The following PRKG1 variants were observed in gnomAD, a reference collection of about 807,000 sequenced individuals.
PRKG1 encodes the protein cGMP-dependent protein kinase 1.
In PRKG1, 35 loss-of-function variants were observed where a neutral mutation model predicts 88.1. The observed-to-expected ratio is 0.40, with a 90% CI of 0.30 to 0.53. The LOEUF is 0.53. PRKG1 is among the 20% of genes least tolerant of loss of function. The probability of loss-of-function intolerance (pLI) is 0.59; values close to 1 mark genes in which losing one functional copy is unlikely to be tolerated. For synonymous variants in PRKG1, 303 were observed against 292.5 expected (o/e 1.04, Z -0.37); for missense variants, 540 against 839.8 (o/e 0.64, Z 4.41).
Position 51,422,273 on chromosome 10 carries a change from A to ACT in PRKG1, c.479-45447_479-45446dup, listed in dbSNP as rs1838438102. ...GTTCTGGTTTGGTTAAGAGATCCAA[A>ACT]CTCTGTAGTTAGGAAAGGATGGCAC... On this transcript the variant is annotated intron_variant, in intron 2 of 17. Coordinates refer to ENST00000373980, the MANE Select transcript of PRKG1 (RefSeq NM_006258.4). 2.0e-5 allele frequency among the ~76,000 whole-genome samples: 3 copies of ACT among 152,164 alleles called. 1 individual carries two copies. The South Asian group carries it at 6.2e-4, about 31-fold the overall frequency.
intron 3 of PRKG1, among the ~76,000 whole-genome samples, chr10:51,632,703 T>A (rs1003192372): frequency 1.6e-4 from 25 of 152,322 alleles, no homozygotes; most frequent in African/African-American, 5.8e-4. Flanking sequence ...TGCTTGTAGC[T>A]AAAAATATGC....
intron 2 of PRKG1, among the ~76,000 whole-genome samples, chr10:51,190,481 T>C (rs1013736517): frequency 2.6e-5 from 4 of 151,786 alleles, no homozygotes; most frequent in African/African-American, 9.7e-5. Flanking sequence ...GGACTAAATG[T>C]GAATAAACAA....
intron 2 of PRKG1, among the ~76,000 whole-genome samples, chr10:51,316,576 G>A (rs1177882448): frequency 6.6e-6 from 1 of 152,150 alleles, no homozygotes; most frequent in African/African-American, 2.4e-5. Flanking sequence ...CAGCTACTCA[G>A]GAGGCTGAGG....
At chr10:52,017,557 A>G (rs1474561204) in intron 5 of PRKG1, among the ~76,000 whole-genome samples, 2 of 152,148 alleles carry the variant, frequency 1.3e-5, no homozygotes, top group Non-Finnish European at 2.9e-5. Flanking sequence ...TTTGAGGTAG[A>G]TGGTAGGTAC....
At chr10:51,249,719 T>G (rs1267939103) in intron 2 of PRKG1, among the ~76,000 whole-genome samples, 1 of 151,844 alleles carries the variant, frequency 6.6e-6, no homozygotes, top group African/African-American at 2.4e-5. Flanking sequence ...CACTATACAA[T>G]TTTTCATTCA....
chr10:51,312,717 A>G (rs1200141242), intron 2 of PRKG1, among the ~76,000 whole-genome samples: 1 of 150,198 alleles, frequency 6.7e-6, no homozygotes, highest in Non-Finnish European at 1.5e-5. Flanking sequence ...CAGTGTTTAT[A>G]TAAACATATA....
At chr10:52,114,489 G>A (rs11000815) in intron 7 of PRKG1, among the ~76,000 whole-genome samples, 10,491 of 151,306 alleles carry the variant, frequency 0.069, 629 homozygotes, top group East Asian at 0.35. Flanking sequence ...TTAAAAATAT[G>A]AGAATCATTT....
At chr10:52,082,076 C>T (rs1219245145) in intron 7 of PRKG1, among the ~76,000 whole-genome samples, 1 of 152,106 alleles carries the variant, frequency 6.6e-6, no homozygotes, top group Non-Finnish European at 1.5e-5. Context: ...GAAGCAAACA[C>T]ATCCTTCTTC....
chr10:52,180,023 T>C (rs1838973748), intron 9 of PRKG1, among the ~76,000 whole-genome samples: 1 of 152,204 alleles, frequency 6.6e-6, no homozygotes, highest in Admixed American at 6.5e-5. Flanking sequence ...TTCTCTTTCC[T>C]TTCTGAAATA....
chr10:51,902,559 G>T (rs931287698), intron 4 of PRKG1, among the ~76,000 whole-genome samples: 1 of 152,110 alleles, frequency 6.6e-6, no homozygotes, highest in East Asian at 1.9e-4. Flanking sequence ...TTTACTTGTT[G>T]TTTTTCTACT....
intron 4 of PRKG1, among the ~76,000 whole-genome samples, chr10:51,821,962 A>G (rs1175218452): frequency 6.6e-6 from 1 of 152,266 alleles, no homozygotes; most frequent in Non-Finnish European, 1.5e-5. Context: ...ATACATAGCC[A>G]GAGGAAATCA....
At chr10:51,045,835 T>C (rs987191067) in intron 1 of PRKG1, among the ~76,000 whole-genome samples, 1 of 152,212 alleles carries the variant, frequency 6.6e-6, no homozygotes, top group Non-Finnish European at 1.5e-5. Context: ...ACTTAATAAT[T>C]TCCTCATAGA....
intron 1 of PRKG1, among the ~76,000 whole-genome samples, chr10:51,106,032 A>T (rs1330002185): frequency 6.6e-6 from 1 of 152,184 alleles, no homozygotes; most frequent in Non-Finnish European, 1.5e-5. Flanking sequence ...CATGATTTCC[A>T]CTCTGGGAAA....
intron 3 of PRKG1, among the ~76,000 whole-genome samples, chr10:51,730,818 G>A (rs1480857791): frequency 2.6e-5 from 4 of 152,210 alleles, no homozygotes; most frequent in Non-Finnish European, 5.9e-5. Context: ...AAGAATAACA[G>A]ATATATGATC....
intron 1 of PRKG1, among the ~76,000 whole-genome samples, chr10:51,145,903 A>C (rs1403713731): frequency 1.3e-5 from 2 of 152,172 alleles, no homozygotes; most frequent in Admixed American, 1.3e-4. Flanking sequence ...ACTAATTTAC[A>C]TTCTCACCTA....
At chr10:51,728,847 G>A (rs1215098122) in intron 3 of PRKG1, among the ~76,000 whole-genome samples, 1 of 152,160 alleles carries the variant, frequency 6.6e-6, no homozygotes, top group Admixed American at 6.5e-5. Flanking sequence ...CAACATGCAG[G>A]CAAAGATGGA....
intron 1 of PRKG1, among the ~76,000 whole-genome samples, chr10:51,012,747 G>A (rs1843009310): frequency 6.6e-6 from 1 of 152,156 alleles, no homozygotes; most frequent in Non-Finnish European, 1.5e-5. Context: ...CAAATAAAAA[G>A]ACAAAAAAGT....
At chr10:52,131,572 C>T (rs116426929) in intron 7 of PRKG1, among the ~76,000 whole-genome samples, 2,699 of 151,838 alleles carry the variant, frequency 0.018, 83 homozygotes, top group African/African-American at 0.06. Flanking sequence ...AGTGGCTGGG[C>T]GCGGTGGCTC....
At chr10:52,026,972 G>A (rs1180379216) in intron 5 of PRKG1, among the ~76,000 whole-genome samples, 3 of 151,612 alleles carry the variant, frequency 2.0e-5, no homozygotes, top group African/African-American at 2.4e-5. Context: ...GTAAGACTCC[G>A]TCAAAAAAAC....
Sources: gnomAD v4.1 joint callset for allele counts (sites outside exome capture counted in the v4.1 genomes callset) on GRCh38, gnomAD v4.1.1 for gene constraint, MANE v1.5 for transcripts, NCBI Gene and HGNC (gene_info 2026-07-23, HGNC 2026-07-21) for gene names.